The following HIBCH variants were observed in gnomAD, a reference collection of about 807,000 sequenced individuals.
HIBCH encodes 3-hydroxyisobutyryl-CoA hydrolase.
A neutral mutation model predicts 58.2 loss-of-function variants in HIBCH; 50 were observed. The ratio of observed to expected loss-of-function variants is 0.86; its 90% CI spans 0.68 to 1.09. HIBCH has a LOEUF of 1.09. Among genes scored for constraint, HIBCH ranks in the 50% least tolerant of loss-of-function variants. The pLI is 0.00. For missense variants in HIBCH, 450 were observed against 449.7 expected (o/e 1.00, Z -0.01); for synonymous variants, 151 against 146.9 (o/e 1.03, Z -0.20).
chr2:190,293,947 TTC>T (rs747304485), intron 4 of HIBCH, among the ~76,000 whole-genome samples: 2 of 150,268 alleles, frequency 1.3e-5, no homozygotes, highest in East Asian at 1.9e-4. Flanking sequence ...TAAAGAGAGT[TTC>T]TCTTTTTATC....
At position 190,210,659 on chromosome 2, in the gene HIBCH, ACT is replaced by A. The variant is rs1690494981; in HGVS notation, c.1012-1748_1012-1747del. Among the ~76,000 whole-genome samples, 1 of 152,162 alleles carries A rather than the reference ACT, an allele frequency of 6.6e-6. No individual in the cohort carries two copies. The highest frequency in any genetic ancestry group is 1.9e-4 in the East Asian group (1 of 5,172). On this transcript the variant is annotated intron_variant, in intron 12 of 13. Coordinates refer to ENST00000359678, the MANE Select transcript of HIBCH (RefSeq NM_014362.4). This position sits in a 1 kb window ranked among gnomAD's most constrained non-coding sequence, Gnocchi z 5.5. ...TATGCTCTGCACAGCCTTTCTCTAC[ACT>A]GTTTCCTCTGACCTCATCTCTCACT... is the stretch of plus-strand genomic sequence containing the variant.
chr2:190,291,337 TG>T (rs1687952391), intron 4 of HIBCH, among the ~76,000 whole-genome samples: 1 of 152,154 alleles, frequency 6.6e-6, no homozygotes, highest in Admixed American at 6.5e-5. Context: ...CTGTAAGGAT[TG>T]GGGTGCTGTC....
intron 1 of HIBCH, among the ~76,000 whole-genome samples, chr2:190,196,045 T>G (rs954321814): frequency 1.4e-5 from 2 of 138,090 alleles, no homozygotes; most frequent in African/African-American, 2.7e-5. Flanking sequence ...AGTCTGATCA[T>G]CTCTGCCTTT....
At chr2:190,199,781 T>A (rs1316084747), downstream of HIBCH, 2 of 1,558,506 alleles carry the variant, frequency 1.3e-6, no homozygotes, top group African/African-American at 2.7e-5. Context: ...CAACATCACA[T>A]GGACAAATTT....
rs1454406179 is a variant in HIBCH, at chr2:190,206,015, T to G, written c.1046-783A>C. Among the ~76,000 whole-genome samples the G allele has an allele frequency of 2.0e-5, 3 of 152,228 alleles. No individual in the cohort carries two copies. Among genetic ancestry groups the G allele is most frequent in the Admixed American group, 6.5e-5 (1 of 15,288 alleles). ...GATCTCCAAATTTTAATGTTATGGT[T>G]GTGGCAGCAAATTTCAACCATGCTT... On this transcript the variant is annotated intron_variant, in intron 13 of 13. Coordinates refer to ENST00000359678, the MANE Select transcript of HIBCH (RefSeq NM_014362.4). The surrounding 1 kb of genome is among the most constrained non-coding windows in gnomAD (Gnocchi z 5.1).
intron 1 of HIBCH, 138 bp downstream of exon 1, chr2:190,319,578 C>T (rs1688794491): frequency 1.4e-6 from 1 of 739,124 alleles, no homozygotes; most frequent in African/African-American, 1.7e-5. Flanking sequence ...TTGGGGAGGG[C>T]CAAGGTTGGG....
rs546101154 is a variant in HIBCH, at chr2:190,313,643, C to CAAAAA, written c.36-2852_36-2848dup. The stretch of plus-strand genomic sequence containing the variant: ...CTGGGTGACAAGAGACTCTGTCTCA[C>CAAAAA]AAAAAAAAAAAAAAAAAAAAAGGAA... On this transcript the variant is annotated intron_variant, in intron 1 of 13. Transcript: ENST00000359678. 3.5e-3 allele frequency among the ~76,000 whole-genome samples: 276 copies of CAAAAA among 78,430 alleles called. 2 individuals are homozygous for CAAAAA. The highest frequency in any genetic ancestry group is 9.4e-3 in the African/African-American group (185 of 19,766). The allele number at this position is 78,430 out of a possible 152,430, so 51.5% of individuals were successfully genotyped here. A position where few individuals can be genotyped will look rare whatever the true frequency, so the allele number is the denominator to read the frequency against.
intron 1 of HIBCH, among the ~76,000 whole-genome samples, chr2:190,194,129 A>G (rs1399547829): frequency 6.6e-6 from 1 of 152,150 alleles, no homozygotes; most frequent in Non-Finnish European, 1.5e-5. Context: ...TGTACTGTGT[A>G]ATGTTTTAAG....
intron 1 of HIBCH, among the ~76,000 whole-genome samples, chr2:190,192,455 T>G (rs980369422): frequency 1.5e-5 from 1 of 64,992 alleles, no homozygotes; most frequent in Non-Finnish European, 3.2e-5. Flanking sequence ...TCAGAATCTG[T>G]GTGTGTGTGT....
chr2:190,318,663 CTT>C (rs1688767361), intron 1 of HIBCH, among the ~76,000 whole-genome samples: 1 of 152,170 alleles, frequency 6.6e-6, no homozygotes, highest in Non-Finnish European at 1.5e-5. Flanking sequence ...AGTCAGCTAA[CTT>C]TAACAAACAT....
chr2:190,282,122 G>C (rs1687719261), intron 6 of HIBCH, among the ~76,000 whole-genome samples: 1 of 151,962 alleles, frequency 6.6e-6, no homozygotes. Flanking sequence ...TTTCTATCCT[G>C]CTCCTCCAAA....
intron 2 of HIBCH, 81 bp downstream of exon 2, chr2:190,310,673 C>A: frequency 8.9e-7 from 1 of 1,120,190 alleles, no homozygotes; most frequent in Non-Finnish European, 1.4e-6. Flanking sequence ...TCTGCCATAC[C>A]AGTATTTCTC....
intron 3 of HIBCH, among the ~76,000 whole-genome samples, chr2:190,295,041 T>C (rs1688068356): frequency 6.6e-6 from 1 of 152,228 alleles, no homozygotes; most frequent in Non-Finnish European, 1.5e-5. Flanking sequence ...ACTGTGCTGA[T>C]ACAGGGCTCT....
rs1559044891 is a variant in HIBCH at position 190,270,279 on chromosome 2, T to TAA, written c.439-9046_439-9045insTT. ...TTTAGTTATTACACCTTTTTTTTTT[T>TAA]TAAAAAAAAAGATATTTAAGGTTAT... is the stretch of plus-strand genomic sequence containing the variant. On this transcript the variant is annotated intron_variant, in intron 6 of 13. Coordinates refer to ENST00000359678, the MANE Select transcript of HIBCH (RefSeq NM_014362.4). Among the ~76,000 whole-genome samples, 148 of 148,636 alleles carry TAA rather than the reference T, an allele frequency of 1.0e-3. 1 individual carries two copies. Among genetic ancestry groups the TAA allele is most frequent in the African/African-American group, 3.6e-3 (140 of 39,356 alleles).
chr2:190,238,583 G>T (rs1229985260), intron 11 of HIBCH, among the ~76,000 whole-genome samples: 1 of 152,154 alleles, frequency 6.6e-6, no homozygotes, highest in African/African-American at 2.4e-5. Context: ...TCCTGCCTCA[G>T]CCTCCACAGT....
At chr2:190,301,831 G>T (rs950002660) in intron 2 of HIBCH, among the ~76,000 whole-genome samples, 2 of 152,168 alleles carry the variant, frequency 1.3e-5, no homozygotes, top group Non-Finnish European at 2.9e-5. Context: ...GGAAGGAAAA[G>T]GGCAAAGACG....
intron 11 of HIBCH, among the ~76,000 whole-genome samples, chr2:190,238,171 C>T (rs1483907540): frequency 6.6e-6 from 1 of 152,058 alleles, no homozygotes; most frequent in African/African-American, 2.4e-5. Flanking sequence ...ATTTATAATC[C>T]TATGGGTATA....
chr2:190,238,823 G>T (rs1418146601), intron 11 of HIBCH, among the ~76,000 whole-genome samples: 6 of 151,974 alleles, frequency 3.9e-5, no homozygotes, highest in South Asian at 4.1e-4. Context: ...TGATGGGGTT[G>T]TTTTTTTCTC....
rs568098137 is a variant in HIBCH, at chr2:190,301,701, T to A, written c.79-4748A>T. ...TAATTTATAAAGAACAGAAATTTAT[T>A]TCTAACAGTTATAGAGGCTAGGAAG... is the stretch of plus-strand genomic sequence containing the variant. On this transcript the variant is annotated intron_variant, in intron 2 of 13. Transcript: ENST00000359678. 4.6e-5 allele frequency among the ~76,000 whole-genome samples: 7 copies of A among 152,316 alleles called. No homozygotes were observed. In the East Asian group the frequency reaches 1.4e-3, roughly 29 times the overall value.
Sources: gnomAD v4.1 joint callset for allele counts (sites outside exome capture counted in the v4.1 genomes callset) on GRCh38, gnomAD v4.1.1 for gene constraint, Gnocchi (gnomAD v3.1) non-coding constraint, MANE v1.5 for transcripts, NCBI Gene and HGNC (gene_info 2026-07-23, HGNC 2026-07-21) for gene names.